The following ENTPD1 variants were observed in gnomAD, a reference collection of about 807,000 sequenced individuals.
ENTPD1 encodes ATP diphosphohydrolase.
ENTPD1 carries 33 observed loss-of-function variants against 57.0 expected under a neutral mutation model. The ratio of observed to expected loss-of-function variants is 0.58; its 90% confidence interval spans 0.44 to 0.77. The LOEUF (loss-of-function observed/expected upper bound fraction) is 0.77. Ranked by LOEUF, ENTPD1 falls within the 30% of genes least tolerant of loss-of-function variation. The pLI is 0.00. For missense variants in ENTPD1, 501 were observed against 603.4 expected (o/e 0.83, Z 1.78); for synonymous variants, 202 against 218.8 (o/e 0.92, Z 0.68).
chr10:95,763,028 A>G (rs2098072877), intron 1 of ENTPD1, among the ~76,000 whole-genome samples: 1 of 152,044 alleles, frequency 6.6e-6, no homozygotes, highest in Non-Finnish European at 1.5e-5. Context: ...TGCATGCTTT[A>G]TCATATAAAA....
At chr10:95,714,303 G>C (rs1056706198) in intron 1 of ENTPD1, among the ~76,000 whole-genome samples, 1 of 151,950 alleles carries the variant, frequency 6.6e-6, no homozygotes, top group African/African-American at 2.4e-5. Flanking sequence ...AATAGAATGA[G>C]ACCCTGTCTC....
At chr10:95,776,239 G>A (rs1001559659) in intron 1 of ENTPD1, among the ~76,000 whole-genome samples, 1 of 152,202 alleles carries the variant, frequency 6.6e-6, no homozygotes, top group Non-Finnish European at 1.5e-5. Flanking sequence ...AGCATCGACA[G>A]TCTTTACGAT....
At chr10:95,789,729 A>G (rs1214825546) in intron 1 of ENTPD1, among the ~76,000 whole-genome samples, 1 of 152,238 alleles carries the variant, frequency 6.6e-6, no homozygotes, top group Admixed American at 6.5e-5. Context: ...AAGCTTACAC[A>G]ATTACAGACC....
intron 1 of ENTPD1, among the ~76,000 whole-genome samples, chr10:95,713,001 T>G (rs57566786): frequency 0.016 from 2,386 of 147,744 alleles, 64 homozygotes; most frequent in African/African-American, 0.056. Context: ...GCCGCTGCAC[T>G]CCAGACTGGG....
chr10:95,839,546 G>A (rs560511467), intron 2 of ENTPD1, 145 bp from the exon 3 acceptor site: 115 of 804,360 alleles, frequency 1.4e-4, no homozygotes, highest in Non-Finnish European at 1.9e-4. Context: ...TCTTGTGATC[G>A]GAGTGACTCC....
intron 1 of ENTPD1, among the ~76,000 whole-genome samples, chr10:95,746,112 T>G (rs993254783): frequency 5.9e-5 from 9 of 152,136 alleles, no homozygotes; most frequent in Non-Finnish European, 5.9e-5. Flanking sequence ...TACCGTTAGG[T>G]TACTTCTGAA....
upstream of ENTPD1, among the ~76,000 whole-genome samples, chr10:95,752,016 A>C (rs2098012748): frequency 6.6e-6 from 1 of 152,212 alleles, no homozygotes; most frequent in African/African-American, 2.4e-5. Flanking sequence ...GCCATCATAC[A>C]CAGATGGAGG....
At chr10:95,835,249 G>T (rs1295329838) in intron 2 of ENTPD1, among the ~76,000 whole-genome samples, 1 of 152,164 alleles carries the variant, frequency 6.6e-6, no homozygotes, top group Admixed American at 6.5e-5. Context: ...CTGCATTCAT[G>T]TTGCTGCAAA....
At chr10:95,830,259 C>T (rs1005056616) in intron 2 of ENTPD1, among the ~76,000 whole-genome samples, 7 of 151,952 alleles carry the variant, frequency 4.6e-5, no homozygotes, top group African/African-American at 1.7e-4. Flanking sequence ...ATATGCAATC[C>T]CTGGGGAATC....
intron 1 of ENTPD1, among the ~76,000 whole-genome samples, chr10:95,793,628 A>T (rs2140283971): frequency 6.6e-6 from 1 of 152,292 alleles, no homozygotes; most frequent in African/African-American, 2.4e-5. Flanking sequence ...CCTCAGACTT[A>T]CTGAATCAGA....
Position 95,872,160 on chromosome 10 carries a change from C to A in ENTPD1, c.*5777C>A, listed in dbSNP as rs1473213839. The A allele has an allele frequency of 3.6e-5, 35 of 985,428 alleles. No homozygotes were observed. Among genetic ancestry groups the A allele is most frequent in the Non-Finnish European group, 4.2e-5 (35 of 829,942 alleles). The allele number at this position is 985,428 out of a possible 1,614,324, so 61.0% of individuals were successfully genotyped here. A position where few individuals can be genotyped will look rare whatever the true frequency, so the allele number is the denominator to read the frequency against. On this transcript the variant is annotated 3_prime_UTR_variant, in exon 10 of 10. Coordinates refer to ENST00000371205, the MANE Select transcript of ENTPD1 (RefSeq NM_001776.6). ...TAATATATTTTACCTGGACTGATACCAGGAATGGTGGTGTTGCTTCCAATC... is the reference window on the plus strand; with the variant it reads ...TAATATATTTTACCTGGACTGATACAAGGAATGGTGGTGTTGCTTCCAATC...
chr10:95,751,299 A>G (rs2098011597), upstream of ENTPD1, among the ~76,000 whole-genome samples: 1 of 152,200 alleles, frequency 6.6e-6, no homozygotes, highest in African/African-American at 2.4e-5. Context: ...AGAGGAGATG[A>G]ATTTGAGAGA....
intron 1 of ENTPD1, among the ~76,000 whole-genome samples, chr10:95,743,351 A>T (rs2098002435): frequency 6.6e-6 from 1 of 152,192 alleles, no homozygotes; most frequent in Non-Finnish European, 1.5e-5. Flanking sequence ...ATGTTAATCT[A>T]GATGGCCTTG....
upstream of ENTPD1, among the ~76,000 whole-genome samples, chr10:95,709,898 C>T (rs118128004): frequency 2.0e-5 from 3 of 151,788 alleles, no homozygotes; most frequent in East Asian, 2.0e-4. Flanking sequence ...CGGCCCCCCC[C>T]ACCAGTAGCT....
At chr10:95,785,590 C>T (rs547412960) in intron 1 of ENTPD1, among the ~76,000 whole-genome samples, 1 of 152,164 alleles carries the variant, frequency 6.6e-6, no homozygotes, top group African/African-American at 2.4e-5. Flanking sequence ...TAACTTTTCT[C>T]AGAAGGTGGC....
chr10:95,767,577 C>T (rs1260042345), intron 1 of ENTPD1, among the ~76,000 whole-genome samples: 1 of 151,692 alleles, frequency 6.6e-6, no homozygotes, highest in Non-Finnish European at 1.5e-5. Context: ...CAAATTCATC[C>T]ATCCATGAAT....
At chr10:95,695,166 A>C in the ENTPD1 span, among the ~76,000 whole-genome samples, 1 of 152,222 alleles carries the variant, frequency 6.6e-6, no homozygotes, top group East Asian at 1.9e-4. Flanking sequence ...GGCCTCCTAA[A>C]GTGCTGGGAT....
chr10:95,699,756 C>G, the ENTPD1 span, among the ~76,000 whole-genome samples: 1 of 152,000 alleles, frequency 6.6e-6, no homozygotes, highest in South Asian at 2.1e-4. Flanking sequence ...TTTATAAAAA[C>G]AAAAAGTAGG....
chr10:95,834,651 G>C (rs563877799), intron 2 of ENTPD1, among the ~76,000 whole-genome samples: 60 of 152,262 alleles, frequency 3.9e-4, no homozygotes, highest in African/African-American at 1.4e-3. Flanking sequence ...TATGACATTT[G>C]TGTAGGTAGA....
Sources: gnomAD v4.1 joint callset for allele counts (sites outside exome capture counted in the v4.1 genomes callset) on GRCh38, gnomAD v4.1.1 for gene constraint, MANE v1.5 for transcripts, NCBI Gene and HGNC (gene_info 2026-07-23, HGNC 2026-07-21) for gene names.